The following PATJ variants were observed in gnomAD, a reference collection of about 807,000 sequenced individuals.
PATJ encodes inaD-like protein.
Under a neutral mutation model 224.9 loss-of-function variants are expected in PATJ, and 190 were observed. The ratio of observed to expected loss-of-function variants is 0.84; its 90% CI spans 0.75 to 0.95. The LOEUF is 0.95. Ranked by LOEUF, PATJ falls within the 40% of genes least tolerant of loss-of-function variation. The probability of loss-of-function intolerance (pLI) is 0.00; values close to 1 mark genes in which losing one functional copy is unlikely to be tolerated. For synonymous variants in PATJ, 769 were observed against 820.3 expected (o/e 0.94, Z 1.07); for missense variants, 2,121 against 2,270.3 (o/e 0.93, Z 1.34).
chr1:61,908,971 T>A (rs185768156), intron 25 of PATJ, among the ~76,000 whole-genome samples: 160 of 152,310 alleles, frequency 1.1e-3, no homozygotes, highest in Non-Finnish European at 2.0e-3. Flanking sequence ...TATTTAATCA[T>A]AAAATTTTTC....
Position 62,063,228 on chromosome 1 carries a change from G to A in PATJ, c.4125+12170G>A, listed in dbSNP as rs58446081. Among the ~76,000 whole-genome samples the A allele has an allele frequency of 4.6e-3, 704 of 152,298 alleles. 8 individuals carry two copies. The highest frequency in any genetic ancestry group is 0.016 in the African/African-American group (670 of 41,574). ...AGTTTAATTCTTCTGCAAATGGATA[G>A]CTGGTTATCCCAGCACAATTTATTG... On this transcript the variant is annotated intron_variant, in intron 31 of 43. Coordinates refer to ENST00000642238, the MANE Select transcript of PATJ (RefSeq NM_001350145.3).
chr1:62,117,336 CAAGTT>C (rs1558192212), intron 37 of PATJ, 118 bp downstream of exon 37: 1 of 1,463,902 alleles, frequency 6.8e-7, no homozygotes. Flanking sequence ...TTCACAGCAC[CAAGTT>C]TAGTGAACTT....
In PATJ at chr1:62,017,848, C is replaced by T; in HGVS notation, c.3868-8C>T. 6.4e-7 allele frequency: 1 copy of T among 1,558,598 alleles called. No individual in the cohort carries two copies. On this transcript the variant is annotated splice_region_variant and splice_polypyrimidine_tract_variant and intron_variant, in intron 28 of 43. Coordinates refer to ENST00000642238, the MANE Select transcript of PATJ (RefSeq NM_001350145.3). ...ATAATTTAGTACATTGTGGTTTTTC[C>T]CAAACAGATAAACAATCAGATTCTG... is the stretch of plus-strand genomic sequence containing the variant.
intron 27 of PATJ, among the ~76,000 whole-genome samples, chr1:61,976,655 A>G (rs1644149655): frequency 6.6e-6 from 1 of 151,744 alleles, no homozygotes; most frequent in African/African-American, 2.4e-5. Flanking sequence ...TAATCCACCC[A>G]CCTCAGCCTC....
intron 10 of PATJ, 83 bp downstream of exon 10, chr1:61,795,641 T>G: frequency 1.3e-3 from 787 of 623,424 alleles, no homozygotes; most frequent in Non-Finnish European, 2.0e-3. Context: ...AGAGGGGGAA[T>G]AGCTTAATAT....
intron 8 of PATJ, among the ~76,000 whole-genome samples, chr1:61,788,261 G>A (rs1649016086): frequency 6.6e-6 from 1 of 152,162 alleles, no homozygotes; most frequent in Admixed American, 6.5e-5. Flanking sequence ...AGACATCCAG[G>A]TGGTGGAGGG....
At chr1:61,980,804 A>ATGC (rs1449676612) in intron 27 of PATJ, among the ~76,000 whole-genome samples, 1 of 152,132 alleles carries the variant, frequency 6.6e-6, no homozygotes, top group East Asian at 1.9e-4. Context: ...TGACTCAGCC[A>ATGC]TGCACAGGAG....
chr1:62,056,498 A>C (rs528473261), intron 31 of PATJ, among the ~76,000 whole-genome samples: 1 of 152,208 alleles, frequency 6.6e-6, no homozygotes, highest in Non-Finnish European at 1.5e-5. Context: ...CCTGCACCCC[A>C]GCCTGGGTGA....
At chr1:61,810,715 T>A (rs868578883) in intron 14 of PATJ, among the ~76,000 whole-genome samples, 135 of 147,730 alleles carry the variant, frequency 9.1e-4, no homozygotes, top group Middle Eastern at 3.4e-3. Flanking sequence ...AATAAATAAA[T>A]AAATAAATAA....
At chr1:62,057,006 T>C (rs1439378439) in intron 31 of PATJ, among the ~76,000 whole-genome samples, 1 of 152,118 alleles carries the variant, frequency 6.6e-6, no homozygotes, top group African/African-American at 2.4e-5. Flanking sequence ...TTTGTACTTT[T>C]AGTTGAGACA....
chr1:61,837,479 A>G (rs1660358036), intron 17 of PATJ, among the ~76,000 whole-genome samples: 1 of 152,138 alleles, frequency 6.6e-6, no homozygotes, highest in African/African-American at 2.4e-5. Context: ...TGCGTTTTAT[A>G]TAAATTGAAC....
intron 39 of PATJ, among the ~76,000 whole-genome samples, chr1:62,124,993 G>T (rs1483383081): frequency 1.3e-5 from 2 of 152,012 alleles, no homozygotes; most frequent in Non-Finnish European, 2.9e-5. Flanking sequence ...GTGGGAGGCC[G>T]AGGTGGGAGG....
At position 61,859,106 on chromosome 1, in the gene PATJ, GCATGGGGA is replaced by G. The variant is rs373284037; in HGVS notation, c.2323-2441_2323-2434del. On this transcript the variant is annotated intron_variant, in intron 18 of 43. Coordinates refer to ENST00000642238, the MANE Select transcript of PATJ (RefSeq NM_001350145.3). ...GGTTATTTGCCAGATTAGTGTGGCT[GCATGGGGA>G]CATCCCAAACTATTTGTGTCCTAGA... Among the ~76,000 whole-genome samples the G allele has an allele frequency of 4.8e-3, 735 of 152,300 alleles. 6 individuals carry two copies. The highest frequency in any genetic ancestry group is 0.016 in the African/African-American group (679 of 41,564).
intron 1 of PATJ, among the ~76,000 whole-genome samples, chr1:61,754,425 C>A (rs949142566): frequency 9.2e-5 from 14 of 151,854 alleles, no homozygotes; most frequent in Non-Finnish European, 1.8e-4. Flanking sequence ...GCTAACTGCA[C>A]CCTCAATTTC....
chr1:62,023,804 C>A (rs1466722174), intron 29 of PATJ, among the ~76,000 whole-genome samples: 2 of 152,158 alleles, frequency 1.3e-5, no homozygotes, highest in Admixed American at 6.5e-5. Context: ...ATTTTGAATT[C>A]TGTAAGGTAG....
chr1:61,802,998 G>C (rs1179021454), intron 12 of PATJ, among the ~76,000 whole-genome samples: 1 of 152,022 alleles, frequency 6.6e-6, no homozygotes, highest in African/African-American at 2.4e-5. Flanking sequence ...AATTTACCTT[G>C]TTCTTTTTGA....
At position 62,163,792 on chromosome 1, in the gene PATJ, T is replaced by G. The variant is rs1331440531; in HGVS notation, c.*2738T>G. The G allele has an allele frequency of 1.3e-5, 2 of 152,166 alleles. No individual in the cohort carries two copies. The highest frequency in any genetic ancestry group is 6.5e-5 in the Admixed American group (1 of 15,272). The allele number at this position is 152,166 out of a possible 1,614,324, so 9.4% of individuals were successfully genotyped here. A position where few individuals can be genotyped will look rare whatever the true frequency, so the allele number is the denominator to read the frequency against. ...CCTCATCATTTGGGCCATTTCAGTA[T>G]AGTAATGATATCACTAATCGGAATT... On this transcript the variant is annotated 3_prime_UTR_variant, in exon 44 of 44. Coordinates refer to ENST00000642238, the MANE Select transcript of PATJ (RefSeq NM_001350145.3).
chr1:61,854,217 A>G (rs914716664), intron 17 of PATJ, among the ~76,000 whole-genome samples: 3 of 152,224 alleles, frequency 2.0e-5, no homozygotes, highest in Admixed American at 6.5e-5. Context: ...CAGAAAACCT[A>G]GCAGTTTTTC....
intron 36 of PATJ, 88 bp downstream of exon 36, chr1:62,116,767 G>T: frequency 1.6e-6 from 2 of 1,251,118 alleles, no homozygotes; most frequent in Non-Finnish European, 2.2e-6. Context: ...AAAATGGGTT[G>T]GATTTTATAC....
Sources: allele counts gnomAD v4.1 joint callset (sites outside exome capture counted in the v4.1 genomes callset), GRCh38; gene constraint gnomAD v4.1.1; transcripts MANE v1.5; gene names NCBI Gene and HGNC (gene_info 2026-07-23, HGNC 2026-07-21).